Variants in PIWIL4 observed in about 807,000 individuals in gnomAD.
PIWIL4 encodes the protein piwi-like protein 4.
In PIWIL4, 50 loss-of-function variants were observed where a neutral mutation model predicts 100.9. The ratio of observed to expected loss-of-function variants is 0.50; its 90% confidence interval spans 0.39 to 0.63. The LOEUF is 0.63. Among genes scored for constraint, PIWIL4 ranks in the 20% least tolerant of loss-of-function variants. The probability of loss-of-function intolerance (pLI) is 0.00; values close to 1 mark genes in which losing one functional copy is unlikely to be tolerated. For missense variants in PIWIL4, 887 were observed against 1,043.3 expected, an observed-to-expected ratio of 0.85 and a Z score of 2.06; for synonymous variants, 342 against 367.5, an observed-to-expected ratio of 0.93 and a Z score of 0.79.
In PIWIL4 at chr11:94,619,894, C is replaced by T. The variant is rs776230128; in HGVS notation, c.2294+9C>T. On this transcript the variant is annotated intron_variant, in intron 18 of 19. Coordinates refer to ENST00000299001, the MANE Select transcript of PIWIL4 (RefSeq NM_152431.3). ...GCAACACGTAACGAATGGCAAGTGC[C>T]GCTGGAAAATCAATTTTTAACAAAA... is the stretch of plus-strand genomic sequence containing the variant. 17 of 1,614,162 alleles carry T rather than the reference C, an allele frequency of 1.1e-5. No individual in the cohort carries two copies. Among genetic ancestry groups the T allele is most frequent in the South Asian group, 5.5e-5 (5 of 91,088 alleles).
Position 94,587,033 on chromosome 11 carries a change from CT to C in PIWIL4, c.717-11del, listed in dbSNP as rs765958814. 6.4e-7 allele frequency: 1 copy of C among 1,572,714 alleles called. No homozygotes were observed. On this transcript the variant is annotated splice_polypyrimidine_tract_variant and intron_variant, in intron 6 of 19. Coordinates refer to ENST00000299001, the MANE Select transcript of PIWIL4 (RefSeq NM_152431.3). ...TAACATTGACAATATTCCTTTTTTT[CT>C]TTTTTGTTTTTAAAGATTATCCCTT...
At chr11:94,595,204 A>T (rs1014455212) in intron 9 of PIWIL4, 105 bp from the exon 10 acceptor site, 1 of 844,260 alleles carries the variant, frequency 1.2e-6, no homozygotes, top group Non-Finnish European at 1.9e-6. Context: ...TGGATGTGCT[A>T]TACAGATGGT....
intron 2 of PIWIL4, among the ~76,000 whole-genome samples, chr11:94,571,259 GT>G (rs953162209): frequency 4.4e-4 from 66 of 151,678 alleles, no homozygotes; most frequent in Non-Finnish European, 7.8e-4. Flanking sequence ...TTGTTATTAG[GT>G]TTTTTTATTT....
intron 3 of PIWIL4, 116 bp downstream of exon 3, chr11:94,575,246 T>C (rs796154241): frequency 6.4e-6 from 7 of 1,087,990 alleles, no homozygotes; most frequent in Middle Eastern, 3.1e-4. Context: ...TATTTACTGA[T>C]TGTCTTCTAT....
intron 6 of PIWIL4, among the ~76,000 whole-genome samples, chr11:94,586,515 G>A (rs7119937): frequency 0.27 from 40,677 of 151,994 alleles, 8,582 homozygotes; most frequent in African/African-American, 0.58. Flanking sequence ...TTTTAATCTC[G>A]TCATTAAATC....
At chr11:94,568,868 C>T in intron 2 of PIWIL4, 60 bp downstream of exon 2, 2 of 1,454,156 alleles carry the variant, frequency 1.4e-6, no homozygotes, top group South Asian at 1.1e-5. Flanking sequence ...CAAGAGGAGC[C>T]CTGCCAGGCC....
At chr11:94,574,538 G>A (rs575412677) in intron 2 of PIWIL4, among the ~76,000 whole-genome samples, 2 of 152,336 alleles carry the variant, frequency 1.3e-5, no homozygotes, top group East Asian at 3.9e-4. Context: ...GTCTCGCCCT[G>A]TCGCCCAGGC....
chr11:94,590,962 C>A (rs1313390821), intron 8 of PIWIL4, among the ~76,000 whole-genome samples: 1 of 152,138 alleles, frequency 6.6e-6, no homozygotes, highest in Admixed American at 6.5e-5. Flanking sequence ...AGCTGTGTAA[C>A]CCTGGGTAAA....
intron 10 of PIWIL4, 58 bp downstream of exon 10, chr11:94,595,484 A>G (rs1180565374): frequency 2.3e-6 from 3 of 1,279,388 alleles, no homozygotes; most frequent in East Asian, 2.3e-5. Flanking sequence ...TAGATGGCCT[A>G]TGTAACACTG....
chr11:94,595,085 G>T (rs1948538966), intron 9 of PIWIL4, among the ~76,000 whole-genome samples: 1 of 152,158 alleles, frequency 6.6e-6, no homozygotes, highest in Admixed American at 6.5e-5. Context: ...TGGATATACT[G>T]GGCTAAATAA....
chr11:94,619,923 TC>T, intron 18 of PIWIL4, 38 bp downstream of exon 18: 3 of 1,614,098 alleles, frequency 1.9e-6, no homozygotes, highest in Non-Finnish European at 2.5e-6. Flanking sequence ...AACAAAACAT[TC>T]ATTGCGTCCA....
At chr11:94,618,269 G>A (rs1948867559) in intron 17 of PIWIL4, among the ~76,000 whole-genome samples, 162 bp downstream of exon 17, 1 of 152,160 alleles carries the variant, frequency 6.6e-6, no homozygotes, top group African/African-American at 2.4e-5. Flanking sequence ...CTTCAGATTG[G>A]AGGGTAGTTG....
chr11:94,610,937 TAG>T (rs1358869927), intron 15 of PIWIL4, among the ~76,000 whole-genome samples: 16 of 152,216 alleles, frequency 1.1e-4, no homozygotes, highest in African/African-American at 3.6e-4. Flanking sequence ...TTAATCCATT[TAG>T]AGTTAATATT....
chr11:94,598,431 A>C (rs1163253268), intron 11 of PIWIL4, among the ~76,000 whole-genome samples: 1 of 152,216 alleles, frequency 6.6e-6, no homozygotes, highest in Non-Finnish European at 1.5e-5. Flanking sequence ...CAGACATAGT[A>C]CTTGGGGAGA....
At chr11:94,604,081 T>A (rs1948684026) in intron 13 of PIWIL4, 25 bp downstream of exon 13, 3 of 1,449,456 alleles carry the variant, frequency 2.1e-6, no homozygotes, top group Non-Finnish European at 2.9e-6. Flanking sequence ...CTTTTTGAAC[T>A]CCTTTAATCT....
chr11:94,575,260 C>T, intron 3 of PIWIL4, 130 bp downstream of exon 3: 1 of 940,600 alleles, frequency 1.1e-6, no homozygotes. Flanking sequence ...CTTCTATGTT[C>T]AAGGCACTGT....
intron 4 of PIWIL4, among the ~76,000 whole-genome samples, chr11:94,577,709 A>C (rs374587229): frequency 4.6e-4 from 70 of 152,342 alleles, no homozygotes; most frequent in African/African-American, 1.4e-3. Context: ...CATTTAGTCC[A>C]TCCCTAGAGA....
intron 4 of PIWIL4, among the ~76,000 whole-genome samples, chr11:94,578,270 T>G (rs1948266915): frequency 1.3e-5 from 2 of 152,200 alleles, no homozygotes; most frequent in African/African-American, 4.8e-5. Context: ...TTATTTAAAA[T>G]TTTTATTGAC....
Position 94,618,228 on chromosome 11 carries a change from C to T in PIWIL4, c.2168+121C>T, listed in dbSNP as rs886967575. 1.5e-5 allele frequency: 15 copies of T among 986,692 alleles called. No individual in the cohort carries two copies. The African/African-American group carries it at 2.5e-4, about 16-fold the overall frequency. The allele number at this position is 986,692 out of a possible 1,614,324, so 61.1% of individuals were successfully genotyped here. A position where few individuals can be genotyped will look rare whatever the true frequency, so the allele number is the denominator to read the frequency against. ...TATGCAATTAAGTTTTGCTGTGTTT[C>T]TGTATCATGCCAGTAGAGCTCTATC... On this transcript the variant is annotated intron_variant, in intron 17 of 19. Coordinates refer to ENST00000299001, the MANE Select transcript of PIWIL4 (RefSeq NM_152431.3).
Sources: gnomAD v4.1 joint callset for allele counts (sites outside exome capture counted in the v4.1 genomes callset) on GRCh38, gnomAD v4.1.1 for gene constraint, MANE v1.5 for transcripts, NCBI Gene and HGNC (gene_info 2026-07-23, HGNC 2026-07-21) for gene names.